Variants in COLGALT2 observed in about 807,000 individuals in gnomAD.
The protein encoded by COLGALT2 is procollagen galactosyltransferase 2.
A neutral mutation model predicts 73.4 loss-of-function variants in COLGALT2; 49 were observed. That is an observed-to-expected ratio of 0.67 (90% CI 0.53 to 0.85). The LOEUF is 0.85. Ranked by LOEUF, COLGALT2 falls within the 40% of genes least tolerant of loss-of-function variation. COLGALT2 has a pLI of 0.00. For missense variants in COLGALT2, 722 were observed against 790.2 expected (o/e 0.91, Z 1.03); for synonymous variants, 295 against 307.6 (o/e 0.96, Z 0.43).
Position 184,034,028 on chromosome 1 carries a change from T to C in COLGALT2, c.263+3067A>G, listed in dbSNP as rs186655746. On this transcript the variant is annotated intron_variant, in intron 1 of 11. Coordinates refer to ENST00000361927, the MANE Select transcript of COLGALT2 (RefSeq NM_015101.4). ...TGGAATGTTGCATAGAGCTTGGGAA[T>C]GAGAAACTAGAGGCAAGCAATCGGT... 1.7e-3 allele frequency among the ~76,000 whole-genome samples: 254 copies of C among 152,318 alleles called. 1 individual carries two copies. Among genetic ancestry groups the C allele is most frequent in the African/African-American group, 5.7e-3 (237 of 41,556 alleles).
intron 1 of COLGALT2, among the ~76,000 whole-genome samples, chr1:183,989,127 T>A: frequency 6.6e-6 from 1 of 152,244 alleles, no homozygotes; most frequent in East Asian, 1.9e-4. Flanking sequence ...CAGTTTTCTG[T>A]TCCAATGTAG....
chr1:184,013,970 A>G (rs1428482636), intron 1 of COLGALT2, among the ~76,000 whole-genome samples: 1 of 152,154 alleles, frequency 6.6e-6, no homozygotes, highest in African/African-American at 2.4e-5. Context: ...AATATAGGAG[A>G]CAGAGCTGGT....
chr1:183,944,951 C>A (rs535701087), intron 9 of COLGALT2, among the ~76,000 whole-genome samples: 16 of 152,318 alleles, frequency 1.1e-4, no homozygotes, highest in Non-Finnish European at 1.5e-5. Context: ...AGGAACCCCA[C>A]ACACCAATAT....
At chr1:183,967,663 T>C (rs909571623) in intron 5 of COLGALT2, among the ~76,000 whole-genome samples, 2 of 152,252 alleles carry the variant, frequency 1.3e-5, no homozygotes, top group African/African-American at 4.8e-5. Flanking sequence ...TGTTAGGCAG[T>C]GTCATTCGTG....
chr1:183,985,789 C>G (rs1479097352), intron 1 of COLGALT2, among the ~76,000 whole-genome samples: 2 of 152,164 alleles, frequency 1.3e-5, no homozygotes, highest in African/African-American at 4.8e-5. Flanking sequence ...AAGGGAATGG[C>G]AGTGGAATGA....
intron 10 of COLGALT2, among the ~76,000 whole-genome samples, chr1:183,941,872 T>G (rs1480439904): frequency 6.6e-6 from 1 of 152,186 alleles, no homozygotes; most frequent in Non-Finnish European, 1.5e-5. Flanking sequence ...TTAATTAATT[T>G]AATTTTAAAT....
intron 2 of COLGALT2, among the ~76,000 whole-genome samples, chr1:183,976,780 T>A (rs1671205329): frequency 6.6e-6 from 1 of 152,322 alleles, no homozygotes; most frequent in East Asian, 1.9e-4. Flanking sequence ...TGGTTGCGTA[T>A]ATCATTGTGC....
chr1:184,037,442 C>T lies in COLGALT2; in HGVS notation c.-85G>A. 8.0e-7 allele frequency: 1 copy of T among 1,244,200 alleles called. No homozygotes were observed. Among genetic ancestry groups the T allele is most frequent in the Non-Finnish European group, 1.0e-6 (1 of 996,990 alleles). The allele number at this position is 1,244,200 out of a possible 1,614,324, so 77.1% of individuals were successfully genotyped here. A position where few individuals can be genotyped will look rare whatever the true frequency, so the allele number is the denominator to read the frequency against. ...GAGGGCGGCGGCGGCTGCCGGGGAGCAAGGGGCTGCGAGGGGCGGCCGGGG... is the reference window on the plus strand; with the variant it reads ...GAGGGCGGCGGCGGCTGCCGGGGAGTAAGGGGCTGCGAGGGGCGGCCGGGG... On this transcript the variant is annotated 5_prime_UTR_variant, in exon 1 of 12. Coordinates refer to ENST00000361927, the MANE Select transcript of COLGALT2 (RefSeq NM_015101.4).
At chr1:184,029,208 A>G (rs1236226497) in intron 1 of COLGALT2, among the ~76,000 whole-genome samples, 2 of 152,218 alleles carry the variant, frequency 1.3e-5, no homozygotes, top group African/African-American at 4.8e-5. Flanking sequence ...ATTCTACCTG[A>G]CTTTTCAATT....
chr1:183,960,766 A>AT (rs61133500), intron 6 of COLGALT2, among the ~76,000 whole-genome samples: 2,538 of 149,702 alleles, frequency 0.017, 63 homozygotes, highest in African/African-American at 0.057. Context: ...TCTTTTTGTG[A>AT]TTTTTTTTTT....
chr1:183,971,977 A>C (rs1367556641), intron 4 of COLGALT2, among the ~76,000 whole-genome samples: 3 of 152,230 alleles, frequency 2.0e-5, no homozygotes, highest in African/African-American at 7.2e-5. Context: ...GCTACCAACT[A>C]GGGTTTTTCC....
intron 1 of COLGALT2, among the ~76,000 whole-genome samples, chr1:183,988,457 A>G (rs1671544857): frequency 6.6e-6 from 1 of 152,156 alleles, no homozygotes; most frequent in South Asian, 2.1e-4. Flanking sequence ...GAACATTTCC[A>G]TCACCTCAAA....
chr1:184,013,586 A>G (rs1407234983), intron 1 of COLGALT2, among the ~76,000 whole-genome samples: 3 of 152,186 alleles, frequency 2.0e-5, no homozygotes, highest in Non-Finnish European at 2.9e-5. Context: ...GGGGCGGGAG[A>G]AACTGGCAGA....
rs1332831253 is a variant in COLGALT2 at position 183,948,292 on chromosome 1, T to C, written c.1136+2715A>G. On this transcript the variant is annotated intron_variant, in intron 8 of 11. Coordinates refer to ENST00000361927, the MANE Select transcript of COLGALT2 (RefSeq NM_015101.4). ...ACATTATAAGAAAACTGCAGACCAA[T>C]ATCACTTATTAATATAGATGTGGAA... is the stretch of plus-strand genomic sequence containing the variant. Among the ~76,000 whole-genome samples, 3 of 152,074 alleles carry C rather than the reference T, an allele frequency of 2.0e-5. No homozygotes were observed. In the East Asian group the frequency reaches 5.8e-4, roughly 29 times the overall value.
chr1:184,037,281 C>A lies in COLGALT2; in HGVS notation c.77G>T (p.Arg26Leu). ...GTCCCGCTCGGCGACGAAGCGCGCT[C>A]GGCAGCCTTCGCGGAGCAGGGCTGA... Reference protein sequence around the residue: ...LSSALLREGCRARFVAERDSE... With the variant: ...LSSALLREGCLARFVAERDSE... Residue 26 changes from arginine (R) to leucine (L), a missense_variant, in exon 1 of 12, where the codon CGA becomes CTA. Arg to Leu is a moderately radical substitution (Grantham distance 102, BLOSUM62 -2). Transcript: ENST00000361927. 1 of 1,549,590 alleles carries A rather than the reference C, an allele frequency of 6.5e-7. No homozygotes were observed. The highest frequency in any genetic ancestry group is 8.7e-7 in the Non-Finnish European group (1 of 1,149,224).
At chr1:183,985,253 C>G (rs1473153518) in intron 1 of COLGALT2, among the ~76,000 whole-genome samples, 1 of 152,104 alleles carries the variant, frequency 6.6e-6, no homozygotes, top group Non-Finnish European at 1.5e-5. Flanking sequence ...GACACGGAAA[C>G]TGAGGACACA....
intron 1 of COLGALT2, among the ~76,000 whole-genome samples, chr1:183,981,640 G>C (rs1241069454): frequency 2.0e-5 from 3 of 152,324 alleles, no homozygotes; most frequent in Non-Finnish European, 4.4e-5. Flanking sequence ...CTGGGTGATA[G>C]AGCGAGATGC....
intron 1 of COLGALT2, among the ~76,000 whole-genome samples, chr1:184,013,857 G>A (rs1249429569): frequency 6.6e-6 from 1 of 152,108 alleles, no homozygotes; most frequent in Non-Finnish European, 1.5e-5. Flanking sequence ...AAATCTAGAG[G>A]ATTAAGTAGG....
chr1:183,975,286 G>A, intron 2 of COLGALT2, 72 bp from the exon 3 acceptor site: 1 of 830,750 alleles, frequency 1.2e-6, no homozygotes, highest in Non-Finnish European at 1.9e-6. Flanking sequence ...ATGTTTATAT[G>A]TATTCATTTA....
Sources: allele counts gnomAD v4.1 joint callset (sites outside exome capture counted in the v4.1 genomes callset), GRCh38; gene constraint gnomAD v4.1.1; transcripts MANE v1.5; gene names NCBI Gene and HGNC (gene_info 2026-07-23, HGNC 2026-07-21).